ZNF385D: variants seen among roughly 807,000 people sequenced by gnomAD.
The protein encoded by ZNF385D is zinc finger protein 385D.
Under a neutral mutation model 35.8 loss-of-function variants are expected in ZNF385D, and 15 were observed. The observed-to-expected ratio is 0.42, with a 90% confidence interval of 0.28 to 0.64. ZNF385D has a LOEUF of 0.64. Among genes scored for constraint, ZNF385D ranks in the 30% least tolerant of loss-of-function variants. The pLI is 0.23. For missense variants in ZNF385D, 474 were observed against 494.6 expected, an observed-to-expected ratio of 0.96 and a Z score of 0.39; for synonymous variants, 212 against 186.8, an observed-to-expected ratio of 1.13 and a Z score of -1.10.
At chr3:21,979,250 G>A (rs144126248) in intron 3 of ZNF385D, among the ~76,000 whole-genome samples, 67 of 152,132 alleles carry the variant, frequency 4.4e-4, no homozygotes, top group Non-Finnish European at 9.0e-4. Flanking sequence ...GCACCAAACA[G>A]AAGGGGGAAA....
chr3:21,702,289 T>C (rs907528125), intron 1 of ZNF385D, among the ~76,000 whole-genome samples: 1 of 152,210 alleles, frequency 6.6e-6, no homozygotes, highest in East Asian at 1.9e-4. Context: ...CCCCTAAGGC[T>C]TGGGGCTTCC....
chr3:22,106,665 G>A (rs2969106), intron 3 of ZNF385D, among the ~76,000 whole-genome samples: 83,071 of 151,976 alleles, frequency 0.55, 23,302 homozygotes, highest in African/African-American at 0.61. Flanking sequence ...GTTGGCTGAA[G>A]GCCTGACCTC....
intron 3 of ZNF385D, among the ~76,000 whole-genome samples, chr3:21,978,452 A>G (rs747311431): frequency 3.3e-5 from 5 of 152,248 alleles, no homozygotes; most frequent in Non-Finnish European, 1.5e-5. Flanking sequence ...AACATAACCC[A>G]GGAACTATGC....
At position 21,672,834 on chromosome 3, in the gene ZNF385D, C is replaced by T. The variant is rs532229634; in HGVS notation, c.23-7806G>A. On this transcript the variant is annotated intron_variant, in intron 1 of 7. Coordinates refer to ENST00000281523, the MANE Select transcript of ZNF385D (RefSeq NM_024697.3). ...TTGCCAATATCCTGAATCAAGGTCT[C>T]CACTAGAAGAAAAACGGGATCTCTC... is the stretch of plus-strand genomic sequence containing the variant. 5.3e-4 allele frequency among the ~76,000 whole-genome samples: 80 copies of T among 152,216 alleles called. No homozygotes were observed. In the South Asian group the frequency reaches 0.016, roughly 30 times the overall value.
At chr3:22,021,689 G>C (rs1312646991) in intron 3 of ZNF385D, among the ~76,000 whole-genome samples, 4 of 151,994 alleles carry the variant, frequency 2.6e-5, no homozygotes, top group African/African-American at 9.7e-5. Context: ...AAATCAACTA[G>C]GGGTACTTAA....
chr3:21,849,776 C>T (rs1252136245), intron 3 of ZNF385D: 2 of 151,698 alleles, frequency 1.3e-5, no homozygotes, highest in Non-Finnish European at 2.9e-5. Context: ...GAGTAGAGGT[C>T]TAAACTTTTT....
chr3:21,802,993 A>T (rs1332982641), intron 3 of ZNF385D, among the ~76,000 whole-genome samples: 1 of 152,200 alleles, frequency 6.6e-6, no homozygotes, highest in Non-Finnish European at 1.5e-5. Flanking sequence ...ATAAATTCCA[A>T]GTCTCAGGCT....
intron 2 of ZNF385D, among the ~76,000 whole-genome samples, chr3:22,336,813 G>A (rs995989717): frequency 2.8e-5 from 4 of 145,044 alleles, no homozygotes; most frequent in Non-Finnish European, 3.0e-5. Flanking sequence ...GGACCAGAGT[G>A]TTTAAGGAAA....
chr3:21,815,252 C>A (rs980502691), intron 3 of ZNF385D, among the ~76,000 whole-genome samples: 1 of 152,070 alleles, frequency 6.6e-6, no homozygotes, highest in East Asian at 1.9e-4. Flanking sequence ...AAAATTGACA[C>A]CCTAACATCA....
At chr3:22,214,196 G>A (rs1226848317) in intron 2 of ZNF385D, among the ~76,000 whole-genome samples, 3 of 152,024 alleles carry the variant, frequency 2.0e-5, no homozygotes, top group Non-Finnish European at 4.4e-5. Flanking sequence ...TGCAATCTCT[G>A]AACATAAATT....
At chr3:22,343,415 A>C (rs1315059189) in intron 2 of ZNF385D, among the ~76,000 whole-genome samples, 1 of 152,244 alleles carries the variant, frequency 6.6e-6, no homozygotes, top group Non-Finnish European at 1.5e-5. Flanking sequence ...AGCCAGCCAG[A>C]GACCCCTACT....
At chr3:22,180,239 G>A (rs929909667) in intron 2 of ZNF385D, among the ~76,000 whole-genome samples, 8 of 152,178 alleles carry the variant, frequency 5.3e-5, no homozygotes, top group Non-Finnish European at 8.8e-5. Flanking sequence ...AAACCAGGAA[G>A]AAGTTGAATC....
At chr3:21,756,433 T>A (rs2070345183) in intron 3 of ZNF385D, among the ~76,000 whole-genome samples, 1 of 152,046 alleles carries the variant, frequency 6.6e-6, no homozygotes, top group African/African-American at 2.4e-5. Context: ...TGTAGGGGCA[T>A]GTCTGGTTTG....
intron 4 of ZNF385D, among the ~76,000 whole-genome samples, chr3:21,441,219 C>A (rs1701841763): frequency 1.3e-5 from 2 of 152,052 alleles, no homozygotes; most frequent in South Asian, 4.1e-4. Context: ...AATGGGCACT[C>A]AATAAATATT....
Position 22,037,301 on chromosome 3 carries a change from T to A in ZNF385D, c.325+131516A>T, listed in dbSNP as rs1042154090. Among the ~76,000 whole-genome samples the A allele has an allele frequency of 6.3e-5, 9 of 143,866 alleles. No individual in the cohort carries two copies. The Admixed American group carries it at 6.5e-4, about 10-fold the overall frequency. 94.4% of individuals were successfully genotyped at this position (143,866 alleles called of 152,430 possible). A position where few individuals can be genotyped will look rare whatever the true frequency, so the allele number is the denominator to read the frequency against. On this transcript the variant is annotated intron_variant, in intron 3 of 5. Coordinates refer to the ZNF385D transcript ENST00000494108. ...GGAATCACCACACTGTCTTCCACAA[T>A]GGTTGAACTAGTTTACAGTCCCACC...
intron 3 of ZNF385D, among the ~76,000 whole-genome samples, chr3:22,011,780 T>C (rs1351448353): frequency 6.6e-6 from 1 of 152,138 alleles, no homozygotes; most frequent in Non-Finnish European, 1.5e-5. Context: ...AGTGAAATTG[T>C]ATCTTACCGA....
At chr3:22,119,309 G>C (rs1274883939) in intron 3 of ZNF385D, among the ~76,000 whole-genome samples, 2 of 152,036 alleles carry the variant, frequency 1.3e-5, no homozygotes, top group African/African-American at 4.8e-5. Flanking sequence ...AAAATACAAG[G>C]CATTGACTTA....
chr3:22,158,205 G>A lies in ZNF385D; in HGVS notation c.325+10612C>T, dbSNP rs139117624. ...TTATTTTCACTATTAGGCTGGGCAG[G>A]TGAGTTATATCTGAGTTTCTAACTG... On this transcript the variant is annotated intron_variant, in intron 3 of 5. Transcript: ENST00000494108. Among the ~76,000 whole-genome samples the A allele has an allele frequency of 4.7e-3, 721 of 152,120 alleles. 3 individuals carry two copies. Among genetic ancestry groups the A allele is most frequent in the African/African-American group, 0.016 (676 of 41,496 alleles).
chr3:21,509,256 T>C (rs990869753), intron 4 of ZNF385D, among the ~76,000 whole-genome samples: 4 of 152,178 alleles, frequency 2.6e-5, no homozygotes, highest in Non-Finnish European at 5.9e-5. Context: ...ACTTTAACCC[T>C]TTACATCAAA....
Sources: allele counts gnomAD v4.1 joint callset (sites outside exome capture counted in the v4.1 genomes callset), GRCh38; gene constraint gnomAD v4.1.1; transcripts MANE v1.5; gene names NCBI Gene and HGNC (gene_info 2026-07-23, HGNC 2026-07-21).